RBFOX1: variants seen among roughly 807,000 people sequenced by gnomAD.
RBFOX1 encodes RNA binding fox-1 homolog 1.
RBFOX1 carries 8 observed loss-of-function variants against 57.7 expected under a neutral mutation model. That is an observed-to-expected ratio of 0.14 (90% confidence interval 0.08 to 0.25). RBFOX1 has a LOEUF of 0.25. Ranked by LOEUF, RBFOX1 falls within the 10% of genes least tolerant of loss-of-function variation. The pLI is 1.00. For synonymous variants in RBFOX1, 326 were observed against 222.4 expected (o/e 1.47, Z -4.15); for missense variants, 611 against 548.5 (o/e 1.11, Z -1.14).
chr16:5,975,869 G>T (rs2152304261), intron 4 of RBFOX1, among the ~76,000 whole-genome samples: 1 of 152,238 alleles, frequency 6.6e-6, no homozygotes, highest in South Asian at 2.1e-4. Flanking sequence ...TATCTGGAAG[G>T]GTGCAGTGGC....
chr16:5,627,990 C>T (rs562822746), intron 3 of RBFOX1, among the ~76,000 whole-genome samples: 13 of 152,240 alleles, frequency 8.5e-5, no homozygotes, highest in African/African-American at 3.1e-4. Context: ...ATTCTTATAG[C>T]CTTAGGTATT....
chr16:6,456,038 G>GA (rs5815313), intron 2 of RBFOX1, among the ~76,000 whole-genome samples: 1 of 151,860 alleles, frequency 6.6e-6, no homozygotes, highest in Non-Finnish European at 1.5e-5. Flanking sequence ...AAAGAAGAAA[G>GA]AAAAAAAGAA....
chr16:7,092,466 T>G (rs1191770157), intron 4 of RBFOX1, among the ~76,000 whole-genome samples: 1 of 152,230 alleles, frequency 6.6e-6, no homozygotes, highest in African/African-American at 2.4e-5. Context: ...CCATTCAATA[T>G]TTTTCCACAA....
At chr16:7,557,809 C>A (rs1179464503) in intron 5 of RBFOX1, among the ~76,000 whole-genome samples, 2 of 151,774 alleles carry the variant, frequency 1.3e-5, no homozygotes, top group Non-Finnish European at 2.9e-5. Context: ...GGAGAGGGCT[C>A]CAGAGACTGA....
intron 2 of RBFOX1, among the ~76,000 whole-genome samples, chr16:6,570,123 T>G (rs1174805205): frequency 6.6e-6 from 1 of 152,220 alleles, no homozygotes; most frequent in Non-Finnish European, 1.5e-5. Context: ...AGCCATGTGC[T>G]TAAATGAAAT....
intron 4 of RBFOX1, among the ~76,000 whole-genome samples, chr16:7,173,021 C>G (rs184743135): frequency 6.6e-6 from 1 of 152,010 alleles, no homozygotes. Flanking sequence ...GTGTATTTTC[C>G]CTAGAATTTC....
rs112290441 is a variant in RBFOX1 at position 6,722,336 on chromosome 16, T to G, written c.-16+67686T>G. Among the ~76,000 whole-genome samples, 436 of 152,338 alleles carry G rather than the reference T, an allele frequency of 2.9e-3. 4 individuals carry two copies. The highest frequency in any genetic ancestry group is 0.01 in the African/African-American group (426 of 41,584). ...TTATTTTCTGTTTTTGTTTGCTTGT[T>G]TGTTTTGGCGGTAGCCTTTCTAACA... On this transcript the variant is annotated intron_variant, in intron 3 of 15. Transcript: ENST00000550418.
chr16:6,512,304 A>C (rs2096271949), intron 2 of RBFOX1, among the ~76,000 whole-genome samples: 1 of 148,648 alleles, frequency 6.7e-6, no homozygotes, highest in Non-Finnish European at 1.5e-5. Flanking sequence ...AAAAAAGGTA[A>C]GAGAAAAAGA....
At chr16:5,910,583 C>G (rs2058580418) in intron 4 of RBFOX1, among the ~76,000 whole-genome samples, 1 of 152,094 alleles carries the variant, frequency 6.6e-6, no homozygotes, top group Non-Finnish European at 1.5e-5. Flanking sequence ...GAGGGTTGAG[C>G]TGGGTGCAGG....
chr16:7,697,074 G>C (rs1257952136), intron 14 of RBFOX1, among the ~76,000 whole-genome samples: 1 of 152,148 alleles, frequency 6.6e-6, no homozygotes, highest in African/African-American at 2.4e-5. Flanking sequence ...ATTGGAGGGA[G>C]GGTTGTAATC....
At chr16:7,534,086 C>CTTTTCTTTTTTTT (rs1555561495) in intron 5 of RBFOX1, among the ~76,000 whole-genome samples, 5 of 129,922 alleles carry the variant, frequency 3.8e-5, no homozygotes, top group South Asian at 2.5e-4. Flanking sequence ...CGTTTTTTTT[C>CTTTTCTTTTTTTT]TTTTTTTTTT....
At chr16:6,487,804 A>G (rs2095539885) in intron 2 of RBFOX1, among the ~76,000 whole-genome samples, 1 of 142,506 alleles carries the variant, frequency 7.0e-6, no homozygotes, top group African/African-American at 2.6e-5. Context: ...TCTATTCCTA[A>G]AGTAATGTCT....
intron 4 of RBFOX1, among the ~76,000 whole-genome samples, chr16:7,344,635 T>G (rs1443947685): frequency 6.6e-6 from 1 of 152,006 alleles, no homozygotes; most frequent in African/African-American, 2.4e-5. Flanking sequence ...GTTACTCCAT[T>G]GGGGATTTTT....
intron 2 of RBFOX1, among the ~76,000 whole-genome samples, chr16:6,452,238 C>A (rs766646018): frequency 2.9e-4 from 43 of 150,364 alleles, no homozygotes; most frequent in Non-Finnish European, 5.8e-4. Flanking sequence ...CTCCTTCCTT[C>A]CATGACTCCA....
At chr16:5,627,353 A>T (rs1286381941) in intron 3 of RBFOX1, among the ~76,000 whole-genome samples, 1 of 152,196 alleles carries the variant, frequency 6.6e-6, no homozygotes, top group Non-Finnish European at 1.5e-5. Flanking sequence ...GTAGAATTGT[A>T]AAACAGAAAC....
At chr16:7,107,000 C>T (rs185653933) in intron 4 of RBFOX1, among the ~76,000 whole-genome samples, 1 of 151,962 alleles carries the variant, frequency 6.6e-6, no homozygotes, top group Non-Finnish European at 1.5e-5. Flanking sequence ...CACACACACA[C>T]ACACACACTA....
At chr16:7,271,427 T>A (rs1025972095) in intron 4 of RBFOX1, among the ~76,000 whole-genome samples, 1 of 152,160 alleles carries the variant, frequency 6.6e-6, no homozygotes, top group Non-Finnish European at 1.5e-5. Flanking sequence ...CTTTAAAGTT[T>A]CAATGATGCC....
intron 4 of RBFOX1, among the ~76,000 whole-genome samples, chr16:7,158,937 T>C (rs982302635): frequency 3.9e-5 from 6 of 152,028 alleles, no homozygotes; most frequent in Non-Finnish European, 7.4e-5. Flanking sequence ...ACTTGTGTAG[T>C]TTCATGTGGC....
chr16:6,448,155 TC>T (rs1250327400), intron 2 of RBFOX1, among the ~76,000 whole-genome samples: 1 of 128,440 alleles, frequency 7.8e-6, no homozygotes, highest in African/African-American at 3.0e-5. Flanking sequence ...TTCTTTTCTT[TC>T]TTTTTTTTTT....
Sources: allele counts gnomAD v4.1 joint callset (sites outside exome capture counted in the v4.1 genomes callset), GRCh38; gene constraint gnomAD v4.1.1; transcripts MANE v1.5; gene names NCBI Gene and HGNC (gene_info 2026-07-23, HGNC 2026-07-21).